ZBED6: variants seen among roughly 807,000 people sequenced by gnomAD.
The protein encoded by ZBED6 is zinc finger BED-type containing 6.
In ZBED6, 40 loss-of-function variants were observed where a neutral mutation model predicts 58.4. The ratio of observed to expected loss-of-function variants is 0.68; its 90% confidence interval spans 0.53 to 0.89. The LOEUF is 0.89. Ranked by LOEUF, ZBED6 falls within the 40% of genes least tolerant of loss-of-function variation. The pLI, the probability that ZBED6 is intolerant of heterozygous loss-of-function variation, is 0.00. For synonymous variants in ZBED6, 439 were observed against 350.6 expected, an observed-to-expected ratio of 1.25 and a Z score of -2.82; for missense variants, 1,057 against 1,003.9, an observed-to-expected ratio of 1.05 and a Z score of -0.71.
intron 1 of ZBED6, among the ~76,000 whole-genome samples, chr1:203,804,301 G>A (rs1378246608): frequency 6.6e-6 from 1 of 151,832 alleles, no homozygotes; most frequent in Admixed American, 6.6e-5. Flanking sequence ...ACAGGCACCC[G>A]CCACCTCGCC....
chr1:203,823,762 C>G (rs886655058), intron 3 of ZBED6, among the ~76,000 whole-genome samples: 1 of 152,180 alleles, frequency 6.6e-6, no homozygotes, highest in Non-Finnish European at 1.5e-5. Context: ...AAGATGTGTG[C>G]AGAATTGCTT....
intron 1 of ZBED6, among the ~76,000 whole-genome samples, chr1:203,810,545 G>C (rs1335933358): frequency 1.3e-5 from 2 of 151,228 alleles, no homozygotes; most frequent in African/African-American, 4.9e-5. Flanking sequence ...TCAGCCTCCA[G>C]AGTAGCTGGG....
chr1:203,829,004 A>T (rs1211350003), intron 4 of ZBED6, among the ~76,000 whole-genome samples: 5 of 152,240 alleles, frequency 3.3e-5, no homozygotes, highest in Admixed American at 3.3e-4. Context: ...TAAAAGCCAC[A>T]GTTGCTACGT....
chr1:203,840,492 CTGTT>C, intron 11 of ZBED6, 118 bp downstream of exon 11: 2 of 1,020,224 alleles, frequency 2.0e-6, no homozygotes, highest in Admixed American at 2.9e-5. Context: ...TTTTGTAGTT[CTGTT>C]TGTTTTTTAA....
At chr1:203,814,753 C>G (rs555152566) in intron 1 of ZBED6, among the ~76,000 whole-genome samples, 3 of 152,142 alleles carry the variant, frequency 2.0e-5, no homozygotes, top group African/African-American at 7.2e-5. Context: ...TGGTTTTTTA[C>G]AGCAGCATTC....
At chr1:203,813,567 C>T (rs1013173855) in intron 1 of ZBED6, among the ~76,000 whole-genome samples, 2 of 152,100 alleles carry the variant, frequency 1.3e-5, no homozygotes, top group African/African-American at 4.8e-5. Flanking sequence ...TTTGACTATG[C>T]TTGTTATCTG....
At chr1:203,818,414 C>T (rs35988171) in intron 2 of ZBED6, among the ~76,000 whole-genome samples, 156 bp from the exon 3 acceptor site, 16,011 of 152,036 alleles carry the variant, frequency 0.11, 1,124 homozygotes, top group Non-Finnish European at 0.15. Flanking sequence ...TTGTTGCTCT[C>T]GGTTTGTTCC....
intron 1 of ZBED6, among the ~76,000 whole-genome samples, chr1:203,810,498 C>T (rs1364901355): frequency 6.6e-6 from 1 of 150,816 alleles, no homozygotes; most frequent in East Asian, 1.9e-4. Flanking sequence ...CAGCTCACTG[C>T]AACCTGCACC....
chr1:203,798,183 G>T, exon 1 of ZBED6: 1 of 1,536,112 alleles, frequency 6.5e-7, no homozygotes. Flanking sequence ...TATTCCTACT[G>T]ATCCATTAGA....
At chr1:203,806,394 C>T (rs34027291) in intron 1 of ZBED6, 19,469 of 180,566 alleles carry the variant, frequency 0.11, 1,381 homozygotes, top group Non-Finnish European at 0.14. Flanking sequence ...CTCTGCCTTC[C>T]GGGTTCAAGC....
chr1:203,814,115 G>A (rs2102704076), intron 1 of ZBED6, among the ~76,000 whole-genome samples: 1 of 152,216 alleles, frequency 6.6e-6, no homozygotes, highest in South Asian at 2.1e-4. Context: ...AGCCCAGGCT[G>A]TTCCTTCCAC....
intron 9 of ZBED6, among the ~76,000 whole-genome samples, chr1:203,836,257 C>G (rs1032810245): frequency 1.3e-5 from 2 of 152,098 alleles, no homozygotes; most frequent in Non-Finnish European, 2.9e-5. Context: ...TAGAAATGAG[C>G]TGTTTTAACA....
At chr1:203,799,775 A>G in exon 1 of ZBED6, 2 of 1,000,634 alleles carry the variant, frequency 2.0e-6, no homozygotes, top group Non-Finnish European at 3.0e-6. Context: ...AACTTGAAAC[A>G]GATACCCTAC....
At chr1:203,809,809 C>T (rs1212174652) in intron 1 of ZBED6, among the ~76,000 whole-genome samples, 1 of 151,976 alleles carries the variant, frequency 6.6e-6, no homozygotes, top group South Asian at 2.1e-4. Flanking sequence ...CAAAAATTAG[C>T]CAGGCATGGT....
intron 1 of ZBED6, among the ~76,000 whole-genome samples, chr1:203,812,071 C>T (rs972025791): frequency 6.6e-6 from 1 of 152,264 alleles, no homozygotes; most frequent in African/African-American, 2.4e-5. Context: ...CCCACCTCGG[C>T]CTCCCAAAGT....
In ZBED6 at chr1:203,847,209, C is replaced by G. The variant is rs1205915069; in HGVS notation, c.*3767C>G. On this transcript the variant is annotated 3_prime_UTR_variant, in exon 12 of 17. Coordinates refer to ENST00000550078, the Ensembl canonical transcript of ZBED6. ...ATAAAGTTAATAAAGTTGGTGAGAT[C>G]CATGTGAAGACATTAGAAGAAATTC... 1.9e-6 allele frequency: 3 copies of G among 1,613,226 alleles called. No individual in the cohort carries two copies. The highest frequency in any genetic ancestry group is 2.5e-6 in the Non-Finnish European group (3 of 1,179,764).
At chr1:203,824,934 G>A (rs1679996091) in intron 3 of ZBED6, among the ~76,000 whole-genome samples, 1 of 151,942 alleles carries the variant, frequency 6.6e-6, no homozygotes, top group East Asian at 1.9e-4. Flanking sequence ...AAAATTAGCC[G>A]GGCATGGTGA....
chr1:203,844,820 CT>C (rs1444282397), intron 11 of ZBED6, among the ~76,000 whole-genome samples: 2 of 152,034 alleles, frequency 1.3e-5, no homozygotes, highest in African/African-American at 4.8e-5. Flanking sequence ...TTGCTGTTTA[CT>C]TTTATCCCTC....
At chr1:203,848,954 G>A (rs1041804997) in intron 13 of ZBED6, among the ~76,000 whole-genome samples, 1 of 152,084 alleles carries the variant, frequency 6.6e-6, no homozygotes, top group African/African-American at 2.4e-5. Context: ...GCATGATCTC[G>A]GTTCACTGCA....
Sources: allele counts gnomAD v4.1 joint callset (sites outside exome capture counted in the v4.1 genomes callset), GRCh38; gene constraint gnomAD v4.1.1; transcripts MANE v1.5; gene names NCBI Gene and HGNC (gene_info 2026-07-23, HGNC 2026-07-21).